The following XYLT1 variants were observed in gnomAD, a reference collection of about 807,000 sequenced individuals.
XYLT1 encodes the protein xylosyltransferase 1.
XYLT1 carries 36 observed loss-of-function variants against 91.3 expected under a neutral mutation model. The observed-to-expected ratio is 0.39, with a 90% CI of 0.30 to 0.52. The LOEUF (loss-of-function observed/expected upper bound fraction) is 0.52, where lower values mean the gene tolerates loss of function less well. Ranked by LOEUF, XYLT1 falls within the 20% of genes least tolerant of loss-of-function variation. XYLT1 has a pLI of 0.68. For synonymous variants in XYLT1, 588 were observed against 532.0 expected (o/e 1.11, Z -1.45); for missense variants, 1,242 against 1,284.5 (o/e 0.97, Z 0.51).
At chr16:17,435,809 G>T (rs1247181697) in intron 1 of XYLT1, among the ~76,000 whole-genome samples, 2 of 152,140 alleles carry the variant, frequency 1.3e-5, no homozygotes, top group East Asian at 3.8e-4. Context: ...TGAGCAGCTG[G>T]GGTAGATGTT....
intron 1 of XYLT1, among the ~76,000 whole-genome samples, chr16:17,389,214 G>A (rs2035785486): frequency 6.6e-6 from 1 of 152,128 alleles, no homozygotes; most frequent in Admixed American, 6.5e-5. Context: ...ATGTGCCAAT[G>A]CATAGAAAGC....
intron 2 of XYLT1, among the ~76,000 whole-genome samples, chr16:17,290,803 T>C (rs2034211538): frequency 6.6e-6 from 1 of 152,296 alleles, no homozygotes; most frequent in Admixed American, 6.5e-5. Flanking sequence ...CATGACAAAA[T>C]AACTGACTTG....
intron 1 of XYLT1, among the ~76,000 whole-genome samples, chr16:17,358,892 CT>C (rs2035343356): frequency 1.3e-5 from 2 of 151,996 alleles, no homozygotes; most frequent in East Asian, 1.9e-4. Flanking sequence ...TGGGGAAGGT[CT>C]TTTTTTAGGA....
chr16:17,404,394 G>A (rs111925104), intron 1 of XYLT1, among the ~76,000 whole-genome samples: 22 of 152,172 alleles, frequency 1.4e-4, no homozygotes, highest in Admixed American at 4.6e-4. Context: ...AGTCAAAACC[G>A]TAACAGCCAC....
At position 17,239,393 on chromosome 16, in the gene XYLT1, A is replaced by T. The variant is rs2033304696; in HGVS notation, c.913+19595T>A. On this transcript the variant is annotated intron_variant, in intron 3 of 11. Transcript: ENST00000261381. The stretch of plus-strand genomic sequence containing the variant: ...ATCCATTCATCCCATTCATCCATCC[A>T]CTCACCCACCCAGTCCATCCATCCA... Among the ~76,000 whole-genome samples, 3 of 145,518 alleles carry T rather than the reference A, an allele frequency of 2.1e-5. No individual in the cohort carries two copies. In the South Asian group the frequency reaches 6.8e-4, roughly 33 times the overall value.
At chr16:17,324,028 T>C (rs1450401361) in intron 2 of XYLT1, among the ~76,000 whole-genome samples, 3 of 152,086 alleles carry the variant, frequency 2.0e-5, no homozygotes, top group Non-Finnish European at 2.9e-5. Context: ...AACAGCTGGG[T>C]AGAAAGCTCA....
chr16:17,266,730 C>G (rs1218875119), intron 2 of XYLT1, among the ~76,000 whole-genome samples: 1 of 152,204 alleles, frequency 6.6e-6, no homozygotes, highest in Non-Finnish European at 1.5e-5. Context: ...GCACAGCCGG[C>G]TGGGTAGTTA....
At chr16:17,211,987 C>A (rs554934375) in intron 3 of XYLT1, among the ~76,000 whole-genome samples, 2 of 152,282 alleles carry the variant, frequency 1.3e-5, no homozygotes, top group South Asian at 4.1e-4. Context: ...TAAAATGTCT[C>A]CATTCATTGA....
At chr16:17,409,237 A>T (rs1383483306) in intron 1 of XYLT1, among the ~76,000 whole-genome samples, 1 of 152,190 alleles carries the variant, frequency 6.6e-6, no homozygotes, top group Non-Finnish European at 1.5e-5. Flanking sequence ...GGAAAGCAGA[A>T]AATAAGAAGG....
At chr16:17,448,892 C>A (rs1241624857) in intron 1 of XYLT1, among the ~76,000 whole-genome samples, 1 of 152,154 alleles carries the variant, frequency 6.6e-6, no homozygotes, top group African/African-American at 2.4e-5. Context: ...GTGGGTTCAT[C>A]ATCATCCCCA....
intron 5 of XYLT1, among the ~76,000 whole-genome samples, chr16:17,197,291 G>A (rs75597124): frequency 0.014 from 2,057 of 152,098 alleles, 17 homozygotes; most frequent in Middle Eastern, 0.027. Context: ...CTCTGTAGGC[G>A]TGACTCTCTT....
chr16:17,455,380 G>A (rs909233332), intron 1 of XYLT1, among the ~76,000 whole-genome samples: 2 of 152,106 alleles, frequency 1.3e-5, no homozygotes, highest in Admixed American at 6.5e-5. Context: ...TAAAGAGAAC[G>A]AGAGCAATCA....
chr16:17,328,548 CAAAAAAA>C (rs71373105), intron 2 of XYLT1, among the ~76,000 whole-genome samples: 386 of 51,194 alleles, frequency 7.5e-3, no homozygotes, highest in Non-Finnish European at 0.015. Context: ...GACTCCTTCT[CAAAAAAA>C]AAAAAAAAAA....
chr16:17,381,039 T>C (rs2035673556), intron 1 of XYLT1, among the ~76,000 whole-genome samples: 1 of 152,196 alleles, frequency 6.6e-6, no homozygotes, highest in Non-Finnish European at 1.5e-5. Flanking sequence ...TTGTTGTCGT[T>C]GTTTCTTTTT....
intron 2 of XYLT1, among the ~76,000 whole-genome samples, chr16:17,343,326 C>T (rs112894692): frequency 1.3e-5 from 2 of 152,316 alleles, no homozygotes; most frequent in African/African-American, 4.8e-5. Context: ...GCCACGAACT[C>T]CTCTTGCTTC....
intron 1 of XYLT1, among the ~76,000 whole-genome samples, chr16:17,463,034 A>G (rs1234548315): frequency 6.6e-6 from 1 of 152,232 alleles, no homozygotes; most frequent in African/African-American, 2.4e-5. Flanking sequence ...GATAAACTTA[A>G]GAATGAAACT....
At chr16:17,114,487 C>T (rs7203617) in intron 11 of XYLT1, among the ~76,000 whole-genome samples, 8,624 of 152,210 alleles carry the variant, frequency 0.057, 807 homozygotes, top group African/African-American at 0.19. Context: ...TGCTTGCTGA[C>T]GGGGAAAATT....
At chr16:17,214,218 T>C (rs1363044219) in intron 3 of XYLT1, among the ~76,000 whole-genome samples, 5 of 152,212 alleles carry the variant, frequency 3.3e-5, no homozygotes, top group Admixed American at 3.3e-4. Flanking sequence ...AGGTAGCCAC[T>C]CTGGAAAGGC....
chr16:17,293,490 CCTTT>C (rs2034261630), intron 2 of XYLT1, among the ~76,000 whole-genome samples: 1 of 121,128 alleles, frequency 8.3e-6, no homozygotes, highest in African/African-American at 3.5e-5. Flanking sequence ...TTTTCTCCCT[CCTTT>C]TTTTTTTTTT....
Sources: allele counts gnomAD v4.1 joint callset (sites outside exome capture counted in the v4.1 genomes callset), GRCh38; gene constraint gnomAD v4.1.1; transcripts MANE v1.5; gene names NCBI Gene and HGNC (gene_info 2026-07-23, HGNC 2026-07-21).